The following COL6A5 variants were observed in gnomAD, a reference collection of about 807,000 sequenced individuals.
COL6A5 encodes the protein collagen type VI alpha 5 chain.
In COL6A5, 48 loss-of-function variants were observed where a neutral mutation model predicts 65.6. That is an observed-to-expected ratio of 0.73 (90% CI 0.58 to 0.93). The LOEUF (loss-of-function observed/expected upper bound fraction) is 0.93. Among genes scored for constraint, COL6A5 ranks in the 40% least tolerant of loss-of-function variants. The probability of loss-of-function intolerance (pLI) is 0.00; values close to 1 mark genes in which losing one functional copy is unlikely to be tolerated. For missense variants in COL6A5, 914 were observed against 928.3 expected (o/e 0.98, Z 0.20); for synonymous variants, 291 against 322.8 (o/e 0.90, Z 1.05).
chr3:130,465,210 A>G (rs556939277), intron 5 of COL6A5, among the ~76,000 whole-genome samples: 11 of 152,160 alleles, frequency 7.2e-5, no homozygotes, highest in Non-Finnish European at 1.5e-4. Flanking sequence ...CTGAGGAGTC[A>G]GAGCTGAGAG....
intron 4 of COL6A5, among the ~76,000 whole-genome samples, chr3:130,448,947 C>T (rs1032331385): frequency 1.4e-4 from 22 of 152,142 alleles, no homozygotes; most frequent in African/African-American, 5.3e-4. Flanking sequence ...GGCAGGTATG[C>T]CAGGTTGGAC....
chr3:130,356,883 A>G (rs1934943147), intron 1 of COL6A5, among the ~76,000 whole-genome samples: 1 of 152,198 alleles, frequency 6.6e-6, no homozygotes, highest in Non-Finnish European at 1.5e-5. Flanking sequence ...AAAAGCTCTT[A>G]TTACCACATA....
chr3:130,416,112 C>G (rs1445202114), intron 23 of COL6A5, among the ~76,000 whole-genome samples: 2 of 152,104 alleles, frequency 1.3e-5, no homozygotes, highest in African/African-American at 4.8e-5. Flanking sequence ...GCTACTCAAA[C>G]CTACTTGATT....
At chr3:130,458,125 C>T (rs1709618705) in intron 5 of COL6A5, among the ~76,000 whole-genome samples, 1 of 152,066 alleles carries the variant, frequency 6.6e-6, no homozygotes. Flanking sequence ...CTACCTATAC[C>T]TCTTTCTCTT....
chr3:130,443,838 T>G (rs58298540), intron 4 of COL6A5, among the ~76,000 whole-genome samples: 3,958 of 152,232 alleles, frequency 0.026, 167 homozygotes, highest in African/African-American at 0.092. Context: ...GAACCCACAA[T>G]TTATCTTCGA....
chr3:130,396,334 C>T (rs975740690), intron 8 of COL6A5, among the ~76,000 whole-genome samples: 2 of 152,224 alleles, frequency 1.3e-5, no homozygotes, highest in African/African-American at 4.8e-5. Flanking sequence ...TTTCCAAACT[C>T]TCCACATCTT....
intron 1 of COL6A5, among the ~76,000 whole-genome samples, chr3:130,350,809 C>A (rs560649436): frequency 3.9e-5 from 6 of 152,258 alleles, no homozygotes; most frequent in Admixed American, 3.9e-4. Flanking sequence ...GGAAAAAAAA[C>A]TACTTTAAAG....
chr3:130,414,917 G>T (rs1937293030), intron 22 of COL6A5, among the ~76,000 whole-genome samples: 1 of 152,092 alleles, frequency 6.6e-6, no homozygotes, highest in African/African-American at 2.4e-5. Flanking sequence ...CTATGAGCTA[G>T]CAGTTTCTCT....
intron 27 of COL6A5, 132 bp downstream of exon 27, chr3:130,421,492 C>G: frequency 2.4e-6 from 2 of 816,970 alleles, no homozygotes; most frequent in Non-Finnish European, 4.0e-6. Flanking sequence ...CTTGGGCTTC[C>G]TGAGGAAAGA....
rs139132023 is a variant in COL6A5 at position 130,408,417 on chromosome 3, G to A, written c.4480-909G>A. ...TAGGATTAGGAAATTCCAGCCTGGCGAATTCTAGTCAGACTGGTTGTCTGC... is the reference window on the plus strand; with the variant it reads ...TAGGATTAGGAAATTCCAGCCTGGCAAATTCTAGTCAGACTGGTTGTCTGC... On this transcript the variant is annotated intron_variant and NMD_transcript_variant, in intron 17 of 41. Coordinates refer to the COL6A5 transcript ENST00000312481. Among the ~76,000 whole-genome samples, 856 of 152,232 alleles carry A rather than the reference G, an allele frequency of 5.6e-3. 11 individuals carry two copies. The highest frequency in any genetic ancestry group is 0.02 in the African/African-American group (818 of 41,534).
At chr3:130,468,981 C>A (rs1055094510) in exon 6 of COL6A5, 7 of 1,612,824 alleles carry the variant, frequency 4.3e-6, no homozygotes, top group Non-Finnish European at 5.9e-6. Context: ...ATTGCCCCCA[C>A]TCCACTGACC....
chr3:130,402,783 A>C (rs1497314), intron 12 of COL6A5, among the ~76,000 whole-genome samples: 44,166 of 151,962 alleles, frequency 0.29, 7,404 homozygotes, highest in East Asian at 0.61. Flanking sequence ...AAGTTACTTT[A>C]TAACAATTAA....
chr3:130,409,253 C>G, intron 17 of COL6A5, 73 bp from the exon 18 acceptor site: 1 of 1,195,996 alleles, frequency 8.4e-7, no homozygotes. Flanking sequence ...CCCCTACATA[C>G]AAAACTTCAC....
chr3:130,460,422 A>G (rs1036540706), intron 5 of COL6A5, among the ~76,000 whole-genome samples: 1 of 152,118 alleles, frequency 6.6e-6, no homozygotes, highest in Non-Finnish European at 1.5e-5. Context: ...TGTGAACAAG[A>G]TGAATGTAAA....
At chr3:130,412,649 G>A (rs1307373958) in intron 20 of COL6A5, among the ~76,000 whole-genome samples, 2 of 152,160 alleles carry the variant, frequency 1.3e-5, no homozygotes, top group Admixed American at 6.6e-5. Context: ...TTTGGAGATT[G>A]ATTCTGGGTA....
At chr3:130,436,947 T>C (rs1447080184) in intron 1 of COL6A5, among the ~76,000 whole-genome samples, 4 of 152,168 alleles carry the variant, frequency 2.6e-5, no homozygotes, top group African/African-American at 4.8e-5. Flanking sequence ...TCTAGATTCA[T>C]ACACAGAGCA....
intron 4 of COL6A5, among the ~76,000 whole-genome samples, chr3:130,383,816 T>C (rs1936089161): frequency 1.3e-5 from 2 of 152,050 alleles, no homozygotes; most frequent in African/African-American, 4.8e-5. Flanking sequence ...TAGTTTTTCA[T>C]AGATTCAGCT....
intron 4 of COL6A5, among the ~76,000 whole-genome samples, chr3:130,447,419 T>A (rs925757969): frequency 1.1e-4 from 17 of 152,258 alleles, no homozygotes; most frequent in African/African-American, 3.6e-4. Flanking sequence ...TTAGCCTGTT[T>A]CCAGCTGAGA....
intron 1 of COL6A5, among the ~76,000 whole-genome samples, chr3:130,356,218 T>C (rs962075613): frequency 7.9e-5 from 12 of 152,138 alleles, no homozygotes; most frequent in Admixed American, 2.6e-4. Context: ...TGTTCCACAT[T>C]GAAGAGATAA....
Sources: gnomAD v4.1 joint callset for allele counts (sites outside exome capture counted in the v4.1 genomes callset) on GRCh38, gnomAD v4.1.1 for gene constraint, MANE v1.5 for transcripts, NCBI Gene and HGNC (gene_info 2026-07-23, HGNC 2026-07-21) for gene names.